Variants in CCDC158 observed in about 807,000 individuals in gnomAD.
CCDC158 encodes the protein coiled-coil domain containing 158.
A neutral mutation model predicts 138.6 loss-of-function variants in CCDC158; 116 were observed. That is an observed-to-expected ratio of 0.84 (90% CI 0.72 to 0.98). The LOEUF (loss-of-function observed/expected upper bound fraction) is 0.98. Among genes scored for constraint, CCDC158 ranks in the 50% least tolerant of loss-of-function variants. The pLI, the probability that CCDC158 is intolerant of heterozygous loss-of-function variation, is 0.00. For synonymous variants in CCDC158, 436 were observed against 442.4 expected (o/e 0.99, Z 0.18); for missense variants, 1,265 against 1,306.1 (o/e 0.97, Z 0.48).
At chr4:76,321,578 G>A (rs1720003286) in intron 24 of CCDC158, among the ~76,000 whole-genome samples, 2 of 145,602 alleles carry the variant, frequency 1.4e-5, no homozygotes, top group African/African-American at 5.0e-5. Context: ...ACTATTACAT[G>A]GTGTGTATAT....
intron 3 of CCDC158, among the ~76,000 whole-genome samples, chr4:76,398,332 G>C (rs1728013912): frequency 6.6e-6 from 1 of 152,076 alleles, no homozygotes; most frequent in Non-Finnish European, 1.5e-5. Context: ...TTCAATTAGT[G>C]GGATGTGGCA....
chr4:76,318,001 G>A (rs759617889), intron 24 of CCDC158, among the ~76,000 whole-genome samples: 3 of 152,082 alleles, frequency 2.0e-5, no homozygotes, highest in Non-Finnish European at 2.9e-5. Context: ...CTAGGATACA[G>A]CAAAAGTGGT....
rs575621296 is a variant in CCDC158, at chr4:76,367,317, G to T, written c.1807C>A (p.Arg603=). Residue 603 remains arginine (R), a synonymous_variant, in exon 12 of 25, where the codon CGG becomes AGG. Transcript: ENST00000682701. ...AQLEKEINDR[R]MELKELKILK... is the part of the protein sequence containing the mutation. Reference sequence around the variant, plus strand: ...ACCTTAAGTTCCTTTAGTTCCATCCGCCTATCATTAATTTCTTTCTCCAGT... The same window carrying T: ...ACCTTAAGTTCCTTTAGTTCCATCCTCCTATCATTAATTTCTTTCTCCAGT... 4.3e-6 allele frequency: 7 copies of T among 1,612,768 alleles called. No homozygotes were observed. Among genetic ancestry groups the T allele is most frequent in the African/African-American group, 2.7e-5 (2 of 74,830 alleles).
intron 12 of CCDC158, among the ~76,000 whole-genome samples, chr4:76,365,551 C>A (rs1469231832): frequency 1.3e-5 from 2 of 152,212 alleles, no homozygotes; most frequent in Non-Finnish European, 1.5e-5. Context: ...GTCTCCCACA[C>A]CATCTCTAGG....
At chr4:76,411,376 G>T (rs1729284535) in intron 2 of CCDC158, among the ~76,000 whole-genome samples, 1 of 151,890 alleles carries the variant, frequency 6.6e-6, no homozygotes, top group Admixed American at 6.6e-5. Context: ...CTCCAGCCTG[G>T]GTGACAGAGC....
intron 3 of CCDC158, chr4:76,401,530 T>C (rs1728389870): frequency 5.1e-6 from 1 of 194,482 alleles, no homozygotes; most frequent in African/African-American, 2.4e-5. Context: ...TTGAACTGGC[T>C]TGAGATATGA....
At chr4:76,345,275 C>T in intron 18 of CCDC158, 1 of 953,020 alleles carries the variant, frequency 1.0e-6, no homozygotes, top group South Asian at 1.3e-5. Context: ...ACTACATGCT[C>T]AACATCGAAG....
chr4:76,357,366 G>C lies in CCDC158; in HGVS notation c.2173+8C>G. ...AGAAGAAAAAATTTTAAATCTAACA[G>C]AGCATACCATGACCATCAGATCCTT... On this transcript the variant is annotated splice_region_variant and intron_variant, in intron 14 of 24. Transcript: ENST00000682701. The C allele has an allele frequency of 6.6e-7, 1 of 1,506,322 alleles. No homozygotes were observed. Among genetic ancestry groups the C allele is most frequent in the South Asian group, 1.4e-5 (1 of 70,294 alleles). The allele number at this position is 1,506,322 out of a possible 1,614,324, so 93.3% of individuals were successfully genotyped here.
chr4:76,359,383 C>G (rs1316727707), intron 13 of CCDC158, among the ~76,000 whole-genome samples: 4 of 152,080 alleles, frequency 2.6e-5, no homozygotes, highest in Non-Finnish European at 5.9e-5. Context: ...GTAACAGATA[C>G]AGGTTGTAAC....
chr4:76,320,137 A>G (rs1490196104), intron 24 of CCDC158, among the ~76,000 whole-genome samples: 1 of 152,218 alleles, frequency 6.6e-6, no homozygotes, highest in Non-Finnish European at 1.5e-5. Context: ...TACCATTGCT[A>G]CACACCAACA....
chr4:76,353,996 G>A (rs1302613845), intron 15 of CCDC158, among the ~76,000 whole-genome samples: 1 of 152,110 alleles, frequency 6.6e-6, no homozygotes, highest in East Asian at 1.9e-4. Context: ...AGAAGGTGTT[G>A]CTACTGTAAA....
chr4:76,317,305 G>T (rs1719495297), intron 24 of CCDC158, among the ~76,000 whole-genome samples: 1 of 151,954 alleles, frequency 6.6e-6, no homozygotes, highest in Non-Finnish European at 1.5e-5. Context: ...CATGCAAATG[G>T]ATACCACAAA....
At chr4:76,371,211 T>C (rs1376019440) in intron 10 of CCDC158, among the ~76,000 whole-genome samples, 1 of 152,222 alleles carries the variant, frequency 6.6e-6, no homozygotes, top group Admixed American at 6.5e-5. Flanking sequence ...CCTAATACTG[T>C]AATAGCTCTG....
At chr4:76,347,919 C>G (rs1722712860) in intron 18 of CCDC158, among the ~76,000 whole-genome samples, 1 of 152,058 alleles carries the variant, frequency 6.6e-6, no homozygotes, top group Non-Finnish European at 1.5e-5. Context: ...CAGTTATTTT[C>G]TTACTCTGTT....
At chr4:76,337,946 TG>T (rs1327841805) in intron 18 of CCDC158, among the ~76,000 whole-genome samples, 1 of 152,058 alleles carries the variant, frequency 6.6e-6, no homozygotes, top group Admixed American at 6.6e-5. Context: ...CTGTGAGGAA[TG>T]GGGCCACACA....
At chr4:76,344,860 T>C in intron 18 of CCDC158, 1 of 1,581,256 alleles carries the variant, frequency 6.3e-7, no homozygotes, top group Non-Finnish European at 8.7e-7. Flanking sequence ...AAAGAAGAAT[T>C]TGCCAAGATG....
chr4:76,353,251 T>A lies in CCDC158; in HGVS notation c.2317A>T (p.Lys773Ter), dbSNP rs774661055. The A allele has an allele frequency of 1.2e-6, 2 of 1,610,122 alleles. No individual in the cohort carries two copies. Among genetic ancestry groups the A allele is most frequent in the Non-Finnish European group, 8.5e-7 (1 of 1,178,642 alleles). ...ACAGTACTCAATTCCTGACTGAGTT[T>A]ACTTTTCTCTTCTTTCAGAAAATGT... ...EKHFLKEEKSKLSQELSTVAT... is the reference protein window; with the variant it reads ...EKHFLKEEKS Residue 773 changes from lysine (K) to a stop codon, truncating the protein, a stop_gained, in exon 16 of 25, where the codon AAA (lysine) becomes TAA (stop). Transcript: ENST00000682701. LOFTEE classifies it high-confidence loss of function.
chr4:76,345,693 T>A (rs1324810095), intron 18 of CCDC158: 1 of 639,500 alleles, frequency 1.6e-6, no homozygotes, highest in Non-Finnish European at 2.8e-6. Flanking sequence ...AACTTTAGTT[T>A]AAAATTATGT....
intron 24 of CCDC158, among the ~76,000 whole-genome samples, chr4:76,320,398 A>T (rs1370815041): frequency 6.6e-6 from 1 of 152,182 alleles, no homozygotes; most frequent in Non-Finnish European, 1.5e-5. Context: ...TGCAATTCCC[A>T]TCAAAATACC....
Sources: allele counts gnomAD v4.1 joint callset (sites outside exome capture counted in the v4.1 genomes callset), GRCh38; gene constraint gnomAD v4.1.1; transcripts MANE v1.5; gene names NCBI Gene and HGNC (gene_info 2026-07-23, HGNC 2026-07-21).